The following DALRD3 variants were observed in gnomAD, a reference collection of about 807,000 sequenced individuals.
DALRD3 encodes the protein DALR anticodon-binding domain-containing protein 3.
Under a neutral mutation model 56.7 loss-of-function variants are expected in DALRD3, and 47 were observed. The observed-to-expected ratio is 0.83, with a 90% CI of 0.66 to 1.06. The LOEUF is 1.06. Ranked by LOEUF, DALRD3 falls within the 50% of genes least tolerant of loss-of-function variation. DALRD3 has a pLI of 0.00. For synonymous variants in DALRD3, 347 were observed against 308.5 expected (o/e 1.12, Z -1.31); for missense variants, 787 against 724.0 (o/e 1.09, Z -1.00).
At chr3:49,018,340 A>G (rs774508853) in intron 1 of DALRD3, 22 bp from the exon 2 acceptor site, 85 of 1,495,200 alleles carry the variant, frequency 5.7e-5, no homozygotes, top group Non-Finnish European at 7.0e-5. Context: ...CGGGCGTGTA[A>G]AAGAGCCACG....
rs767582011 is a variant in DALRD3, at chr3:49,018,130, G to A, written c.354C>T (p.Val118=). 6.8e-7 allele frequency: 1 copy of A among 1,471,032 alleles called. No homozygotes were observed. The highest frequency in any genetic ancestry group is 2.6e-5 in the Admixed American group (1 of 38,274). 91.1% of individuals were successfully genotyped at this position (1,471,032 alleles called of 1,614,324 possible). ...PASPASLGQR[V]LLHCPALRSS... is the part of the protein sequence containing the mutation. ...TGCGCAGTGCTGGGCAGTGTAGTAA[G>A]ACGCGCTGGCCCAGCGAGGCAGGCG... Residue 118 remains valine, a synonymous_variant, in exon 2 of 12, where the codon GTC becomes GTT. Transcript: ENST00000341949.
chr3:49,020,348 C>A (rs1278882944), upstream of DALRD3: 1 of 449,074 alleles, frequency 2.2e-6, no homozygotes. Context: ...GGTTTTTCCC[C>A]AGGAAGTAAG....
upstream of DALRD3, chr3:49,020,036 G>A (rs2093139228): frequency 2.1e-6 from 1 of 476,096 alleles, no homozygotes; most frequent in Non-Finnish European, 4.3e-6. Context: ...TAATAGAGAA[G>A]CTAACTCAGT....
rs2093088678 is a variant in DALRD3, at chr3:49,016,998, T to G, written c.928-151A>C. On this transcript the variant is annotated intron_variant, in intron 5 of 11. Transcript: ENST00000341949. ...CCTCCGTCTACCCAGCCACTCAGGC[T>G]ACGCATGGTTCATCCTTCTCAACCT... The G allele has an allele frequency of 1.9e-5, 19 of 998,084 alleles. No homozygotes were observed. The South Asian group carries it at 2.8e-4, about 15-fold the overall frequency. The allele number at this position is 998,084 out of a possible 1,614,324, so 61.8% of individuals were successfully genotyped here. A position where few individuals can be genotyped will look rare whatever the true frequency, so the allele number is the denominator to read the frequency against.
intron 2 of DALRD3, 76 bp downstream of exon 2, chr3:49,017,947 C>G: frequency 6.6e-7 from 1 of 1,515,642 alleles, no homozygotes; most frequent in Non-Finnish European, 8.8e-7. Flanking sequence ...GCCGCAGTCC[C>G]CACGGGCGGC....
Position 49,017,853 on chromosome 3 carries a change from C to T in DALRD3, c.478G>A (p.Val160Met). 1 of 1,602,894 alleles carries T rather than the reference C, an allele frequency of 6.2e-7. No homozygotes were observed. Among genetic ancestry groups the T allele is most frequent in the Admixed American group, 1.7e-5 (1 of 59,784 alleles). The change falls in exon 3 of 12, where the codon GTG (valine) becomes ATG (methionine). Residue 160 changes from valine to methionine, a missense_variant. Transcript: ENST00000341949. ...ATGTGCGGATCCCGCACAGCTGGCACTAGGCGCACGCACACCCTGCGAAGG... is the reference window on the plus strand; with the variant it reads ...ATGTGCGGATCCCGCACAGCTGGCATTAGGCGCACGCACACCCTGCGAAGG... ...LRAHGVCVRLVPAVRDPHMLT... is the reference protein window; with the variant it reads ...LRAHGVCVRLMPAVRDPHMLT...
chr3:49,019,319 C>T (rs2093131318), upstream of DALRD3, among the ~76,000 whole-genome samples: 1 of 151,892 alleles, frequency 6.6e-6, no homozygotes, highest in Admixed American at 6.6e-5. Flanking sequence ...GACCTGCCCG[C>T]CTCGGCCTCC....
chr3:49,020,641 T>A (rs778868724), upstream of DALRD3: 2 of 487,860 alleles, frequency 4.1e-6, no homozygotes, highest in Admixed American at 2.2e-5. Context: ...GGGGACGAAA[T>A]CCAAGCGCAG....
Position 49,018,160 on chromosome 3 carries a change from G to C in DALRD3, c.324C>G (p.Pro108=). The change falls in exon 2 of 12, where the codon CCC becomes CCG. Residue 108 remains proline, a synonymous_variant. Coordinates refer to ENST00000341949, the MANE Select transcript of DALRD3 (RefSeq NM_001009996.3). The part of the protein sequence containing the change: ...VLSAVAAYAT[P]ASPASLGQRV... ...GCTGGCCCAGCGAGGCAGGCGAGGC[G>C]GGCGTGGCATAGGCGGCCACGGCGC... 3 of 1,456,570 alleles carry C rather than the reference G, an allele frequency of 2.1e-6. No individual in the cohort carries two copies. Among genetic ancestry groups the C allele is most frequent in the Non-Finnish European group, 1.8e-6 (2 of 1,115,148 alleles). 90.2% of individuals were successfully genotyped at this position (1,456,570 alleles called of 1,614,324 possible).
intron 5 of DALRD3, 67 bp from the exon 6 acceptor site, chr3:49,016,914 C>A: frequency 6.4e-7 from 1 of 1,571,886 alleles, no homozygotes; most frequent in South Asian, 1.1e-5. Context: ...TTGAGGAGCC[C>A]AAATCTGGTG....
upstream of DALRD3, chr3:49,021,280 G>A (rs1045169183): frequency 6.6e-6 from 1 of 152,372 alleles, no homozygotes; most frequent in Non-Finnish European, 1.5e-5. The surrounding 1 kb of genome is among the most constrained non-coding windows in gnomAD (Gnocchi z 4.1). Flanking sequence ...CAGAGCCGGC[G>A]TGCCGAGATG....
rs1256335109 is a variant in DALRD3, at chr3:49,016,596, G to C, written c.1063+16C>G. 1 of 1,584,964 alleles carries C rather than the reference G, an allele frequency of 6.3e-7. No individual in the cohort carries two copies. Among genetic ancestry groups the C allele is most frequent in the South Asian group, 1.2e-5 (1 of 86,086 alleles). Reference sequence around the variant, plus strand: ...TGCCCCTAACCCAGAACATAGCCAGGGTTTCCCAGGCACACCTTGTGCCAG... The same window carrying C: ...TGCCCCTAACCCAGAACATAGCCAGCGTTTCCCAGGCACACCTTGTGCCAG... On this transcript the variant is annotated intron_variant, in intron 7 of 11. Coordinates refer to ENST00000341949, the MANE Select transcript of DALRD3 (RefSeq NM_001009996.3).
chr3:49,017,923 A>G, intron 2 of DALRD3, 54 bp from the exon 3 acceptor site: 1 of 1,549,528 alleles, frequency 6.5e-7, no homozygotes, highest in Non-Finnish European at 8.7e-7. Flanking sequence ...GCTCGCCACG[A>G]CTTCCCACCT....
intron 10 of DALRD3, 25 bp from the exon 11 acceptor site, chr3:49,015,897 G>A: frequency 6.2e-7 from 1 of 1,614,158 alleles, no homozygotes. Context: ...TGAGTCACTG[G>A]CCCATCTCTT....
upstream of DALRD3, chr3:49,020,070 A>G: frequency 1.9e-6 from 1 of 522,286 alleles, no homozygotes; most frequent in Non-Finnish European, 3.9e-6. Flanking sequence ...AAATCCGGAG[A>G]GCAGGGAAAC....
Position 49,016,592 on chromosome 3 carries a change from C to T in DALRD3, c.1063+20G>A. 1 of 1,584,022 alleles carries T rather than the reference C, an allele frequency of 6.3e-7. No homozygotes were observed. The highest frequency in any genetic ancestry group is 8.6e-7 in the Non-Finnish European group (1 of 1,164,506). On this transcript the variant is annotated intron_variant, in intron 7 of 11. Coordinates refer to ENST00000341949, the MANE Select transcript of DALRD3 (RefSeq NM_001009996.3). ...AACCTGCCCCTAACCCAGAACATAG[C>T]CAGGGTTTCCCAGGCACACCTTGTG...
At position 49,018,283 on chromosome 3, in the gene DALRD3, C is replaced by T. The variant is rs2106744135; in HGVS notation, c.201G>A (p.Leu67=). The T allele has an allele frequency of 4.1e-6, 6 of 1,448,188 alleles. No individual in the cohort carries two copies. The Middle Eastern group carries it at 5.4e-4, about 132-fold the overall frequency. The allele number at this position is 1,448,188 out of a possible 1,614,324, so 89.7% of individuals were successfully genotyped here. The change falls in exon 2 of 12, where the codon CTG becomes CTA. Residue 67 remains leucine, a synonymous_variant. Transcript: ENST00000341949. ...GCACCGGGGCCACACCGGGGCCCTG[C>T]AGGCAGGCGAGGGCATGGAGCAAAT... ...PEHLLHALAC[L]QGPGVAPVLR... is the part of the protein sequence containing the mutation.
rs781123128 is a variant in DALRD3, at chr3:49,016,521, T to C, written c.1064-10A>G. 6.2e-7 allele frequency: 1 copy of C among 1,610,966 alleles called. No homozygotes were observed. Among genetic ancestry groups the C allele is most frequent in the Non-Finnish European group, 8.5e-7 (1 of 1,178,918 alleles). On this transcript the variant is annotated splice_polypyrimidine_tract_variant and intron_variant, in intron 7 of 11. Transcript: ENST00000341949. Reference sequence around the variant, plus strand: ...TCTGTCCAGGCTGGGTCTGAGGGAGTATAGGGTTGGTCAGTCAGTCTGCAG... The same window carrying C: ...TCTGTCCAGGCTGGGTCTGAGGGAGCATAGGGTTGGTCAGTCAGTCTGCAG...
In DALRD3 at chr3:49,016,768, A is replaced by C. The variant is rs763561130; in HGVS notation, c.1001+6T>G. 31 of 1,613,682 alleles carry C rather than the reference A, an allele frequency of 1.9e-5. No homozygotes were observed. In the Admixed American group the frequency reaches 3.2e-4, roughly 16 times the overall value. ...TTAGGTTGGTGTTCCTCCCAGCCTC[A>C]CTCACTCGTAGTACTCAGGGGCAGT... On this transcript the variant is annotated splice_donor_region_variant and intron_variant, in intron 6 of 11. Transcript: ENST00000341949.
Sources: gnomAD v4.1 joint callset for allele counts (sites outside exome capture counted in the v4.1 genomes callset) on GRCh38, gnomAD v4.1.1 for gene constraint, Gnocchi (gnomAD v3.1) non-coding constraint, MANE v1.5 for transcripts, NCBI Gene and HGNC (gene_info 2026-07-23, HGNC 2026-07-21) for gene names.